The following LRMDA variants were observed in gnomAD, a reference collection of about 807,000 sequenced individuals.
LRMDA encodes leucine rich melanocyte differentiation associated.
LRMDA carries 18 observed loss-of-function variants against 29.8 expected under a neutral mutation model. The ratio of observed to expected loss-of-function variants is 0.60; its 90% CI spans 0.42 to 0.90. The LOEUF is 0.90. LRMDA is among the 40% of genes least tolerant of loss of function. The pLI is 0.00. For missense variants in LRMDA, 273 were observed against 273.9 expected, an observed-to-expected ratio of 1.00 and a Z score of 0.02; for synonymous variants, 125 against 109.4, an observed-to-expected ratio of 1.14 and a Z score of -0.89.
intron 5 of LRMDA, among the ~76,000 whole-genome samples, chr10:76,145,726 C>G (rs1310790468): frequency 1.3e-5 from 2 of 151,996 alleles, no homozygotes; most frequent in African/African-American, 4.8e-5. Context: ...TTCTTGCCTT[C>G]TGCTAGCTTT....
At chr10:75,888,638 C>T (rs747649440) in intron 2 of LRMDA, among the ~76,000 whole-genome samples, 2 of 152,154 alleles carry the variant, frequency 1.3e-5, no homozygotes, top group East Asian at 1.9e-4. Flanking sequence ...ATATTAGGCT[C>T]GGGCTGACTG....
chr10:76,085,053 G>A (rs962102012), intron 5 of LRMDA, among the ~76,000 whole-genome samples: 9 of 152,142 alleles, frequency 5.9e-5, no homozygotes, highest in South Asian at 4.1e-4. Flanking sequence ...GGGTGCCACT[G>A]GGATTTTTGC....
intron 6 of LRMDA, among the ~76,000 whole-genome samples, chr10:76,466,461 G>A (rs549990676): frequency 1.0e-3 from 159 of 152,184 alleles, no homozygotes; most frequent in Non-Finnish European, 2.0e-3. Flanking sequence ...GACAGGCCAT[G>A]TTATTGAAGG....
intron 2 of LRMDA, among the ~76,000 whole-genome samples, chr10:75,898,126 C>A (rs934557511): frequency 5.3e-5 from 8 of 152,090 alleles, no homozygotes; most frequent in Admixed American, 2.0e-4. Context: ...GCCTGGCCTT[C>A]CTACTACTTT....
At chr10:75,735,690 G>A (rs1842753288) in intron 2 of LRMDA, among the ~76,000 whole-genome samples, 1 of 152,074 alleles carries the variant, frequency 6.6e-6, no homozygotes, top group Non-Finnish European at 1.5e-5. Context: ...TTGTTGAAAT[G>A]AGTTGTTCCC....
At chr10:76,107,243 G>C (rs1459046234) in intron 5 of LRMDA, among the ~76,000 whole-genome samples, 1 of 152,082 alleles carries the variant, frequency 6.6e-6, no homozygotes, top group Non-Finnish European at 1.5e-5. Flanking sequence ...CAGCTTGCAG[G>C]GCTTGGTAAA....
At position 75,488,572 on chromosome 10, in the gene LRMDA, ATTG is replaced by A. The variant is rs138930058; in HGVS notation, c.131+50084_131+50086del. Among the ~76,000 whole-genome samples, 1,103 of 152,270 alleles carry A rather than the reference ATTG, an allele frequency of 7.2e-3. 13 individuals are homozygous for A. The highest frequency in any genetic ancestry group is 0.025 in the African/African-American group (1,043 of 41,546). ...TAAATAATAAGGATAAAAAGTTAGC[ATTG>A]TTGTTTTTTTCTTCATGTCCTCTTT... On this transcript the variant is annotated intron_variant, in intron 2 of 6. Coordinates refer to ENST00000611255, the MANE Select transcript of LRMDA (RefSeq NM_001305581.2).
At chr10:76,226,480 G>C (rs2132266534) in intron 5 of LRMDA, among the ~76,000 whole-genome samples, 1 of 152,270 alleles carries the variant, frequency 6.6e-6, no homozygotes, top group African/African-American at 2.4e-5. Context: ...CTACTTGGGA[G>C]GCTGAGGCAG....
At chr10:76,005,291 T>C (rs1847630797) in intron 2 of LRMDA, among the ~76,000 whole-genome samples, 1 of 152,234 alleles carries the variant, frequency 6.6e-6, no homozygotes, top group African/African-American at 2.4e-5. Context: ...TACATGATAT[T>C]CCAGAATGTG....
At chr10:76,097,951 T>C (rs906802497) in intron 5 of LRMDA, among the ~76,000 whole-genome samples, 1 of 152,208 alleles carries the variant, frequency 6.6e-6, no homozygotes, top group Non-Finnish European at 1.5e-5. Context: ...TTATCTCACA[T>C]ATTTATCATT....
In LRMDA at chr10:75,513,023, TAGAGAGA is replaced by T. The variant is rs577950278; in HGVS notation, c.131+74531_131+74537del. On this transcript the variant is annotated intron_variant, in intron 2 of 6. Coordinates refer to ENST00000611255, the MANE Select transcript of LRMDA (RefSeq NM_001305581.2). ...TTTGGGGAGTTTAATTCCCTCCCTGTAGAGAGAATCAGAATTGTTTAACTGGAAAATT... is the reference window on the plus strand; with the variant it reads ...TTTGGGGAGTTTAATTCCCTCCCTGTATCAGAATTGTTTAACTGGAAAATT... Among the ~76,000 whole-genome samples the T allele has an allele frequency of 2.0e-5, 3 of 152,248 alleles. No individual in the cohort carries two copies. The East Asian group carries it at 5.8e-4, about 29-fold the overall frequency.
chr10:75,444,934 G>GT (rs1347855143), intron 2 of LRMDA, among the ~76,000 whole-genome samples: 5 of 152,078 alleles, frequency 3.3e-5, no homozygotes, highest in Admixed American at 3.3e-4. Flanking sequence ...GCGTTACAAT[G>GT]TTTTTTTAAG....
intron 6 of LRMDA, among the ~76,000 whole-genome samples, chr10:76,378,503 G>A (rs1021303456): frequency 1.3e-5 from 2 of 152,124 alleles, no homozygotes; most frequent in African/African-American, 4.8e-5. Flanking sequence ...TCAGTATGAT[G>A]ATGGCTGTAA....
intron 5 of LRMDA, among the ~76,000 whole-genome samples, chr10:76,293,617 G>A (rs1024778986): frequency 1.3e-5 from 2 of 152,172 alleles, no homozygotes; most frequent in African/African-American, 4.8e-5. Context: ...TTAAGTTCAA[G>A]CCTTAGGGAG....
intron 6 of LRMDA, among the ~76,000 whole-genome samples, chr10:76,428,878 G>A (rs1842158753): frequency 6.6e-6 from 1 of 152,174 alleles, no homozygotes; most frequent in Non-Finnish European, 1.5e-5. Flanking sequence ...GGGGTTAATT[G>A]AGGGTGAGGT....
At chr10:76,013,217 C>T (rs555834144) in intron 2 of LRMDA, among the ~76,000 whole-genome samples, 1 of 151,976 alleles carries the variant, frequency 6.6e-6, no homozygotes, top group Admixed American at 6.5e-5. Flanking sequence ...GAATGGCTGC[C>T]CAGGTGGCGC....
chr10:76,069,531 A>T (rs1848841403), intron 5 of LRMDA, among the ~76,000 whole-genome samples: 1 of 151,870 alleles, frequency 6.6e-6, no homozygotes, highest in African/African-American at 2.4e-5. Context: ...TTTGAGCTAC[A>T]TTACCTGAAT....
chr10:76,218,337 G>A (rs1488812985), intron 5 of LRMDA, among the ~76,000 whole-genome samples: 1 of 152,212 alleles, frequency 6.6e-6, no homozygotes, highest in Non-Finnish European at 1.5e-5. Flanking sequence ...GTGCAGGGCT[G>A]ACAGCCCAAA....
chr10:76,245,655 T>C (rs1852362743), intron 5 of LRMDA, among the ~76,000 whole-genome samples: 1 of 152,198 alleles, frequency 6.6e-6, no homozygotes, highest in South Asian at 2.1e-4. Context: ...GTTAGGTAAG[T>C]TGGATAAAGT....
Sources: gnomAD v4.1 joint callset for allele counts (sites outside exome capture counted in the v4.1 genomes callset) on GRCh38, gnomAD v4.1.1 for gene constraint, MANE v1.5 for transcripts, NCBI Gene and HGNC (gene_info 2026-07-23, HGNC 2026-07-21) for gene names.